Variants in MMD2 observed in about 807,000 individuals in gnomAD.
MMD2 encodes the protein monocyte to macrophage differentiation factor 2.
In MMD2, 30 loss-of-function variants were observed where a neutral mutation model predicts 33.5. The ratio of observed to expected loss-of-function variants is 0.90; its 90% CI spans 0.67 to 1.22. The LOEUF (loss-of-function observed/expected upper bound fraction) is 1.22. Ranked by LOEUF, MMD2 falls within the 50% of genes most tolerant of loss-of-function variation. The pLI, the probability that MMD2 is intolerant of heterozygous loss-of-function variation, is 0.00. For synonymous variants in MMD2, 129 were observed against 123.0 expected, an observed-to-expected ratio of 1.05 and a Z score of -0.32; for missense variants, 364 against 325.4, an observed-to-expected ratio of 1.12 and a Z score of -0.91.
At chr7:4,922,535 G>A (rs1267402854) in intron 2 of MMD2, among the ~76,000 whole-genome samples, 1 of 152,112 alleles carries the variant, frequency 6.6e-6, no homozygotes, top group East Asian at 1.9e-4. Flanking sequence ...CTTCTCATTA[G>A]GCTGTAGACT....
chr7:4,903,375 C>T (rs1172871645), downstream of MMD2, among the ~76,000 whole-genome samples: 1 of 152,118 alleles, frequency 6.6e-6, no homozygotes, highest in African/African-American at 2.4e-5. Flanking sequence ...ATCTCCAGTT[C>T]TGGGTCCATC....
intron 2 of MMD2, among the ~76,000 whole-genome samples, chr7:4,920,999 G>A (rs552548609): frequency 1.3e-5 from 2 of 152,168 alleles, no homozygotes; most frequent in East Asian, 1.9e-4. Flanking sequence ...TTATAGGCGT[G>A]AGCCACCATG....
chr7:4,934,764 G>A (rs939264423), intron 1 of MMD2, among the ~76,000 whole-genome samples: 3 of 152,204 alleles, frequency 2.0e-5, no homozygotes, highest in Non-Finnish European at 4.4e-5. Context: ...TGGCACTGTT[G>A]GGCAGAAAAT....
intron 1 of MMD2, 59 bp downstream of exon 1, chr7:4,958,912 G>GCCCCCGCCGCCGCGCGC: frequency 7.9e-7 from 1 of 1,270,504 alleles, no homozygotes; most frequent in Non-Finnish European, 1.0e-6. Context: ...GGCCTCCGCG[G>GCCCCCGCCGCCGCGCGC]CCCCCGCCGC....
chr7:4,926,284 A>G (rs1785425013), intron 1 of MMD2, among the ~76,000 whole-genome samples: 1 of 151,740 alleles, frequency 6.6e-6, no homozygotes, highest in African/African-American at 2.4e-5. Flanking sequence ...TATTTTTTAT[A>G]GAGACAGGGT....
At chr7:4,899,781 T>C in the MMD2 span, among the ~76,000 whole-genome samples, 34 of 152,210 alleles carry the variant, frequency 2.2e-4, no homozygotes, top group East Asian at 5.4e-3. Context: ...ACGGCTGACC[T>C]CTGCCACCTG....
intron 3 of MMD2, among the ~76,000 whole-genome samples, chr7:4,917,754 T>C (rs1409810999): frequency 1.3e-5 from 2 of 152,058 alleles, no homozygotes; most frequent in African/African-American, 4.8e-5. Flanking sequence ...ACCATTTTTA[T>C]GATGACCTCA....
chr7:4,925,651 C>T, intron 1 of MMD2, 119 bp from the exon 2 acceptor site: 1 of 577,052 alleles, frequency 1.7e-6, no homozygotes, highest in Non-Finnish European at 3.0e-6. Context: ...TCCCCTTCTC[C>T]CTTTTTCATC....
chr7:4,957,323 T>C (rs1786412355), intron 1 of MMD2, among the ~76,000 whole-genome samples: 1 of 150,440 alleles, frequency 6.6e-6, no homozygotes, highest in Non-Finnish European at 1.5e-5. Flanking sequence ...CCAGCCTTAG[T>C]GTGGGTGACA....
At chr7:4,899,844 C>A in the MMD2 span, among the ~76,000 whole-genome samples, 2 of 152,178 alleles carry the variant, frequency 1.3e-5, no homozygotes, top group African/African-American at 2.4e-5. Context: ...AAACCTAACA[C>A]CTAACCCATA....
At chr7:4,903,785 C>T (rs1425229819), downstream of MMD2, among the ~76,000 whole-genome samples, 1 of 152,228 alleles carries the variant, frequency 6.6e-6, no homozygotes, top group African/African-American at 2.4e-5. Context: ...GCCAACGAGT[C>T]CAGAACGTCA....
intron 2 of MMD2, 72 bp downstream of exon 2, chr7:4,925,379 G>C (rs1363642157): frequency 8.0e-7 from 1 of 1,254,002 alleles, no homozygotes; most frequent in East Asian, 2.6e-5. Context: ...ACGTGAAGGA[G>C]GTGACTTCCC....
At chr7:4,926,596 GTCT>G (rs1785434526) in intron 1 of MMD2, among the ~76,000 whole-genome samples, 1 of 151,982 alleles carries the variant, frequency 6.6e-6, no homozygotes, top group Non-Finnish European at 1.5e-5. Context: ...CTCTGCCGTT[GTCT>G]TCTTGGACTT....
In MMD2 at chr7:4,927,286, C is replaced by G. The variant is rs1032159230; in HGVS notation, c.48-1754G>C. ...CTGGCCAGGGGCAGTGGCTCACGCC[C>G]GTAATCCCAGCACTTTAAGAGGCCG... is the stretch of plus-strand genomic sequence containing the variant. On this transcript the variant is annotated intron_variant, in intron 1 of 6. Transcript: ENST00000401401. Among the ~76,000 whole-genome samples the G allele has an allele frequency of 7.2e-5, 11 of 152,076 alleles. No individual in the cohort carries two copies. The East Asian group carries it at 2.1e-3, about 30-fold the overall frequency.
At chr7:4,918,104 C>T (rs1388920345) in intron 3 of MMD2, among the ~76,000 whole-genome samples, 2 of 152,144 alleles carry the variant, frequency 1.3e-5, no homozygotes, top group Non-Finnish European at 2.9e-5. Flanking sequence ...CCCAGTCAAG[C>T]CATCAGATGA....
chr7:4,958,393 A>G (rs1786446624), intron 1 of MMD2, among the ~76,000 whole-genome samples: 1 of 152,114 alleles, frequency 6.6e-6, no homozygotes, highest in Admixed American at 6.6e-5. Context: ...TACAAAAGAG[A>G]CGGAGGTTCT....
chr7:4,916,943 G>A (rs1785157758), intron 3 of MMD2, among the ~76,000 whole-genome samples: 1 of 152,038 alleles, frequency 6.6e-6, no homozygotes, highest in Non-Finnish European at 1.5e-5. Context: ...ATAATTGTGT[G>A]TGCCTGTAGG....
Position 4,907,555 on chromosome 7 carries a change from G to T in MMD2, c.582C>A (p.Phe194Leu). The T allele has an allele frequency of 1.9e-6, 3 of 1,613,374 alleles. No individual in the cohort carries two copies. Among genetic ancestry groups the T allele is most frequent in the Non-Finnish European group, 2.5e-6 (3 of 1,179,886 alleles). Reference protein sequence around the residue: ...GIWELVTGGVFYCLGMVFFKS... With the variant: ...GIWELVTGGVLYCLGMVFFKS... ...TGAAGAAGACCATGCCCAGGCAGTA[G>T]AAGACCCCTCCGGTCACCAGCTCCC... The change falls in exon 7 of 7, where the codon TTC becomes TTA. Residue 194 changes from phenylalanine (F) to leucine (L), a missense_variant. Physicochemically the swap from Phe to Leu is conservative, Grantham distance 22. Coordinates refer to ENST00000401401, the MANE Select transcript of MMD2 (RefSeq NM_198403.4).
intron 3 of MMD2, among the ~76,000 whole-genome samples, chr7:4,916,371 CTTTTTTT>C (rs553309427): frequency 1.1e-4 from 7 of 64,748 alleles, no homozygotes; most frequent in Non-Finnish European, 1.9e-4. Context: ...CTCCGTCCCA[CTTTTTTT>C]TTTTTTTTTT....
Sources: gnomAD v4.1 joint callset for allele counts (sites outside exome capture counted in the v4.1 genomes callset) on GRCh38, gnomAD v4.1.1 for gene constraint, MANE v1.5 for transcripts, NCBI Gene and HGNC (gene_info 2026-07-23, HGNC 2026-07-21) for gene names.